PIK3R5: variants seen among roughly 807,000 people sequenced by gnomAD.
PIK3R5 encodes phosphoinositide 3-kinase regulatory subunit 5.
PIK3R5 carries 32 observed loss-of-function variants against 94.9 expected under a neutral mutation model. That is an observed-to-expected ratio of 0.34 (90% confidence interval 0.25 to 0.45). The LOEUF is 0.45. Ranked by LOEUF, PIK3R5 falls within the 20% of genes least tolerant of loss-of-function variation. The pLI is 1.00. For missense variants in PIK3R5, 853 were observed against 1,144.6 expected, an observed-to-expected ratio of 0.75 and a Z score of 3.68; for synonymous variants, 443 against 479.4, an observed-to-expected ratio of 0.92 and a Z score of 0.99.
At chr17:8,939,079 G>A (rs898062975) in intron 1 of PIK3R5, among the ~76,000 whole-genome samples, 1 of 152,186 alleles carries the variant, frequency 6.6e-6, no homozygotes, top group African/African-American at 2.4e-5. Context: ...GCTGGAAGAG[G>A]CAGGCACTTT....
At chr17:8,960,655 C>G (rs2091547175) in intron 1 of PIK3R5, among the ~76,000 whole-genome samples, 1 of 152,240 alleles carries the variant, frequency 6.6e-6, no homozygotes, top group Non-Finnish European at 1.5e-5. Flanking sequence ...ATGGACTTAG[C>G]AAAGATCACG....
At chr17:8,912,866 C>G (rs1295568708) in intron 1 of PIK3R5, among the ~76,000 whole-genome samples, 1 of 152,236 alleles carries the variant, frequency 6.6e-6, no homozygotes. Flanking sequence ...TGTGAGCTCT[C>G]CAGCATCCTT....
intron 2 of PIK3R5, among the ~76,000 whole-genome samples, chr17:8,910,093 A>C (rs561296928): frequency 6.6e-6 from 1 of 152,124 alleles, no homozygotes; most frequent in East Asian, 1.9e-4. Flanking sequence ...GCAAGGGTAA[A>C]CCCCTAAAAA....
intron 1 of PIK3R5, among the ~76,000 whole-genome samples, chr17:8,959,752 T>C (rs758282485): frequency 6.6e-6 from 1 of 152,030 alleles, no homozygotes; most frequent in Non-Finnish European, 1.5e-5. Flanking sequence ...GGGAGAAAGC[T>C]TTGGTGGAAG....
In PIK3R5 at chr17:8,925,399, G is replaced by T. The variant is rs1055924134; in HGVS notation, c.-13-13892C>A. Among the ~76,000 whole-genome samples the T allele has an allele frequency of 6.6e-6, 1 of 150,556 alleles. No individual in the cohort carries two copies. Among genetic ancestry groups the T allele is most frequent in the African/African-American group, 2.4e-5 (1 of 40,916 alleles). ...GATAGATAGATAGATAGTAGATGGA[G>T]AGATAGTAGATGGATAGGTAGATAG... is the stretch of plus-strand genomic sequence containing the variant. On this transcript the variant is annotated intron_variant, in intron 1 of 18. Coordinates refer to ENST00000447110, the MANE Select transcript of PIK3R5 (RefSeq NM_001142633.3). The surrounding 1 kb of genome is among the most constrained non-coding windows in gnomAD (Gnocchi z 5.1).
intron 5 of PIK3R5, among the ~76,000 whole-genome samples, chr17:8,902,073 G>T (rs1567645047): frequency 6.6e-6 from 1 of 151,608 alleles, no homozygotes; most frequent in Admixed American, 6.6e-5. Flanking sequence ...ATTTGATAGG[G>T]GGGGAAGAAG....
At chr17:8,939,059 C>T (rs1195067335) in intron 1 of PIK3R5, among the ~76,000 whole-genome samples, 2 of 152,210 alleles carry the variant, frequency 1.3e-5, no homozygotes, top group African/African-American at 4.8e-5. Context: ...GTTCCTACTA[C>T]CTGTCAGCTG....
chr17:8,922,539 A>G (rs1409023105), intron 1 of PIK3R5, among the ~76,000 whole-genome samples: 2 of 152,154 alleles, frequency 1.3e-5, no homozygotes, highest in East Asian at 1.9e-4. Flanking sequence ...TGTCGTGTTC[A>G]TAGGAAGTCA....
rs188039581 is a variant in PIK3R5 at position 8,887,216 on chromosome 17, C to T, written c.1785G>A (p.Leu595=). 6.2e-7 allele frequency: 1 copy of T among 1,613,846 alleles called. No individual in the cohort carries two copies. Among genetic ancestry groups the T allele is most frequent in the Admixed American group, 1.7e-5 (1 of 60,022 alleles). The part of the protein sequence containing the change: ...DSPRHASPGE[L]GTTPWEESTN... ...TGCTCTCCTCCCATGGGGTGGTGCC[C>T]AGCTCCTAGGGCAAAGAACAAGAGT... The change falls in exon 12 of 19, where the codon CTG becomes CTA. Residue 595 remains leucine, a synonymous_variant. Transcript: ENST00000447110.
Position 8,884,879 on chromosome 17 carries a change from C to T in PIK3R5, c.2129-96G>A. The T allele has an allele frequency of 1.0e-6, 1 of 963,474 alleles. No homozygotes were observed. The highest frequency in any genetic ancestry group is 1.6e-6 in the Non-Finnish European group (1 of 606,224). 59.7% of individuals were successfully genotyped at this position (963,474 alleles called of 1,614,324 possible). On this transcript the variant is annotated intron_variant, in intron 14 of 18. Coordinates refer to ENST00000447110, the MANE Select transcript of PIK3R5 (RefSeq NM_001142633.3). The surrounding 1 kb of genome is among the most constrained non-coding windows in gnomAD (Gnocchi z 5.8). ...CCTCCCTGGGCCTTACCTCCCCATC[C>T]CCTACCACATGGACCGTGACTCCCT...
At chr17:8,948,518 G>A (rs1220397815) in intron 1 of PIK3R5, among the ~76,000 whole-genome samples, 2 of 152,144 alleles carry the variant, frequency 1.3e-5, no homozygotes, top group African/African-American at 2.4e-5. Flanking sequence ...TTGAATAGAC[G>A]CTTCACAGAA....
chr17:8,914,488 C>G (rs555629815), intron 1 of PIK3R5, among the ~76,000 whole-genome samples: 1 of 152,310 alleles, frequency 6.6e-6, no homozygotes, highest in Non-Finnish European at 1.5e-5. Flanking sequence ...CAGTCCAGAA[C>G]CAGCACAGTG....
chr17:8,963,083 C>A (rs1317876031), intron 1 of PIK3R5, among the ~76,000 whole-genome samples: 1 of 151,230 alleles, frequency 6.6e-6, no homozygotes, highest in African/African-American at 2.4e-5. Flanking sequence ...GAACTCCTGG[C>A]CTCAAAGCCT....
rs1673614087 is a variant in PIK3R5, at chr17:8,945,452, G to A, written c.-14+20144C>T. 6.6e-6 allele frequency among the ~76,000 whole-genome samples: 1 copy of A among 152,188 alleles called. No individual in the cohort carries two copies. The highest frequency in any genetic ancestry group is 6.5e-5 in the Admixed American group (1 of 15,278). On this transcript the variant is annotated intron_variant, in intron 1 of 18. Coordinates refer to ENST00000447110, the MANE Select transcript of PIK3R5 (RefSeq NM_001142633.3). The surrounding 1 kb of genome is among the most constrained non-coding windows in gnomAD (Gnocchi z 4.0). ...CCCTTGGCTACTCCTTCATAAGCGA[G>A]GCTTCACTGGTGACCCAGAGAGAGC...
Position 8,888,114 on chromosome 17 carries a change from C to A in PIK3R5, c.1616+57G>T. 1 of 1,569,092 alleles carries A rather than the reference C, an allele frequency of 6.4e-7. No individual in the cohort carries two copies. Among genetic ancestry groups the A allele is most frequent in the Non-Finnish European group, 8.8e-7 (1 of 1,142,556 alleles). On this transcript the variant is annotated intron_variant, in intron 10 of 18. Transcript: ENST00000447110. This position sits in a 1 kb window ranked among gnomAD's most constrained non-coding sequence, Gnocchi z 7.8. ...CCTAAGCCTCAGGCCCCAGATTCCA[C>A]CAGCACAACAACCCTGTTACCCAGG...
rs553621050 is a variant in PIK3R5, at chr17:8,883,755, G to A, written c.2205+952C>T. On this transcript the variant is annotated intron_variant, in intron 15 of 18. Coordinates refer to ENST00000447110, the MANE Select transcript of PIK3R5 (RefSeq NM_001142633.3). The stretch of plus-strand genomic sequence containing the variant: ...TCACAGTTGTAATTTTACATCGTGT[G>A]CATCATCGAACCAATGCCTACCACC... 2.0e-5 allele frequency among the ~76,000 whole-genome samples: 3 copies of A among 152,290 alleles called. 1 individual carries two copies. In the East Asian group the frequency reaches 5.8e-4, roughly 29 times the overall value.
Position 8,892,667 on chromosome 17 carries a change from T to C in PIK3R5, c.482+919A>G, listed in dbSNP as rs1326121819. Among the ~76,000 whole-genome samples, 2 of 152,220 alleles carry C rather than the reference T, an allele frequency of 1.3e-5. No individual in the cohort carries two copies. The highest frequency in any genetic ancestry group is 3.8e-4 in the East Asian group (2 of 5,202). On this transcript the variant is annotated intron_variant, in intron 6 of 18. Transcript: ENST00000447110. The surrounding 1 kb of genome is among the most constrained non-coding windows in gnomAD (Gnocchi z 4.3). ...CTTACTAAACTACAACATTTTAGCA[T>C]CCTTTCCCTCTGTCTCAACATCTAT...
At chr17:8,903,100 G>A (rs543099153) in intron 5 of PIK3R5, among the ~76,000 whole-genome samples, 4 of 151,896 alleles carry the variant, frequency 2.6e-5, no homozygotes, top group South Asian at 4.2e-4. Context: ...CCGCCTTGGC[G>A]TCCCAAAGTG....
chr17:8,933,416 T>A (rs1312284061), intron 1 of PIK3R5, among the ~76,000 whole-genome samples: 1 of 152,148 alleles, frequency 6.6e-6, no homozygotes, highest in East Asian at 1.9e-4. Flanking sequence ...GAAAAGATGG[T>A]CACCAGCAGA....
Sources: allele counts gnomAD v4.1 joint callset (sites outside exome capture counted in the v4.1 genomes callset), GRCh38; gene constraint gnomAD v4.1.1; non-coding constraint Gnocchi (gnomAD v3.1); transcripts MANE v1.5; gene names NCBI Gene and HGNC (gene_info 2026-07-23, HGNC 2026-07-21).